TBC1D22A: variants seen among roughly 807,000 people sequenced by gnomAD.
TBC1D22A encodes the protein TBC1 domain family member 22A.
Under a neutral mutation model 60.2 loss-of-function variants are expected in TBC1D22A, and 38 were observed. That is an observed-to-expected ratio of 0.63 (90% CI 0.49 to 0.83). The LOEUF (loss-of-function observed/expected upper bound fraction) is 0.83, where lower values mean the gene tolerates loss of function less well. Among genes scored for constraint, TBC1D22A ranks in the 40% least tolerant of loss-of-function variants. The probability of loss-of-function intolerance (pLI) is 0.00; values close to 1 mark genes in which losing one functional copy is unlikely to be tolerated. For synonymous variants in TBC1D22A, 302 were observed against 281.7 expected (o/e 1.07, Z -0.72); for missense variants, 628 against 701.0 (o/e 0.90, Z 1.18).
chr22:46,938,589 CTTT>C (rs60745746), intron 8 of TBC1D22A, among the ~76,000 whole-genome samples: 1 of 140,560 alleles, frequency 7.1e-6, no homozygotes, highest in Non-Finnish European at 1.5e-5. Context: ...TTATTTCTCT[CTTT>C]TTTTTTTTTT....
chr22:47,131,846 A>C (rs1392832366), intron 12 of TBC1D22A, among the ~76,000 whole-genome samples: 3 of 152,228 alleles, frequency 2.0e-5, no homozygotes, highest in East Asian at 1.9e-4. Flanking sequence ...GTGAGTGCAC[A>C]GTCCCGGGGC....
At chr22:47,143,251 A>T (rs919402620) in intron 12 of TBC1D22A, among the ~76,000 whole-genome samples, 1 of 152,198 alleles carries the variant, frequency 6.6e-6, no homozygotes, top group African/African-American at 2.4e-5. Flanking sequence ...TCAGTGGAGC[A>T]GACTCTGAGG....
At chr22:46,893,087 C>T (rs373672315) in intron 6 of TBC1D22A, among the ~76,000 whole-genome samples, 1 of 152,244 alleles carries the variant, frequency 6.6e-6, no homozygotes, top group East Asian at 1.9e-4. Context: ...CCGTCTGACC[C>T]GCAGTGGGCA....
chr22:46,878,567 A>G (rs2067687374), intron 4 of TBC1D22A, 86 bp from the exon 5 acceptor site: 4 of 1,116,998 alleles, frequency 3.6e-6, no homozygotes, highest in Non-Finnish European at 5.5e-6. Context: ...CCTCCTAATT[A>G]AACAGGTGGA....
At chr22:46,776,547 G>A (rs2083713505) in intron 1 of TBC1D22A, among the ~76,000 whole-genome samples, 1 of 151,982 alleles carries the variant, frequency 6.6e-6, no homozygotes, top group South Asian at 2.1e-4. Flanking sequence ...CTGAGCAGGA[G>A]TGACCTGATC....
At chr22:46,800,470 AG>A (rs2084849582) in intron 4 of TBC1D22A, among the ~76,000 whole-genome samples, 1 of 152,028 alleles carries the variant, frequency 6.6e-6, no homozygotes, top group East Asian at 1.9e-4. Context: ...TCCTGCCTCC[AG>A]GGTGGTGTGG....
intron 11 of TBC1D22A, among the ~76,000 whole-genome samples, chr22:47,110,348 G>A (rs1279792907): frequency 1.3e-5 from 2 of 152,020 alleles, no homozygotes; most frequent in African/African-American, 2.4e-5. Context: ...GTGTGGTGGC[G>A]CACGTCTGTA....
intron 4 of TBC1D22A, among the ~76,000 whole-genome samples, chr22:46,805,535 C>G (rs1004980610): frequency 6.6e-6 from 1 of 152,202 alleles, no homozygotes; most frequent in African/African-American, 2.4e-5. Context: ...CTGTCACCAT[C>G]ATGGGGTGAT....
intron 12 of TBC1D22A, among the ~76,000 whole-genome samples, chr22:47,159,320 C>T (rs1460585217): frequency 1.2e-5 from 1 of 85,304 alleles, no homozygotes; most frequent in East Asian, 3.9e-4. Flanking sequence ...TATACATACA[C>T]ACACATGTAT....
At chr22:47,097,072 C>T (rs865829604) in intron 11 of TBC1D22A, among the ~76,000 whole-genome samples, 2 of 148,884 alleles carry the variant, frequency 1.3e-5, no homozygotes, top group South Asian at 2.1e-4. Context: ...GGCATGGCCA[C>T]GTGGCCTCCA....
chr22:47,043,385 G>A (rs1362316558), intron 11 of TBC1D22A, among the ~76,000 whole-genome samples: 2 of 152,202 alleles, frequency 1.3e-5, no homozygotes, highest in African/African-American at 4.8e-5. Context: ...GGCTGTCCCC[G>A]GGCTTGCTGG....
chr22:46,819,084 G>T (rs564814054), intron 4 of TBC1D22A, among the ~76,000 whole-genome samples: 1 of 152,194 alleles, frequency 6.6e-6, no homozygotes, highest in South Asian at 2.1e-4. Flanking sequence ...CATTGGTTTT[G>T]TATCCTGAGA....
At chr22:46,984,352 A>G (rs1162216448) in intron 9 of TBC1D22A, among the ~76,000 whole-genome samples, 1 of 126,680 alleles carries the variant, frequency 7.9e-6, no homozygotes, top group African/African-American at 3.1e-5. Context: ...GGGCGACAGA[A>G]CCAGACTCCA....
At chr22:47,070,865 T>A (rs904211189) in intron 11 of TBC1D22A, among the ~76,000 whole-genome samples, 1 of 147,024 alleles carries the variant, frequency 6.8e-6, no homozygotes, top group Non-Finnish European at 1.5e-5. Context: ...CCCTGTTGTT[T>A]GGCTGGAGCG....
chr22:47,018,573 G>A (rs2061978861), intron 10 of TBC1D22A, among the ~76,000 whole-genome samples: 1 of 152,172 alleles, frequency 6.6e-6, no homozygotes, highest in African/African-American at 2.4e-5. Context: ...ATTCATGTGA[G>A]TCAGTCACTG....
intron 10 of TBC1D22A, among the ~76,000 whole-genome samples, chr22:47,005,323 A>G (rs1056699062): frequency 1.3e-5 from 2 of 151,256 alleles, no homozygotes; most frequent in South Asian, 4.2e-4. Flanking sequence ...CCCTACACAC[A>G]TGCCTATACA....
intron 9 of TBC1D22A, among the ~76,000 whole-genome samples, chr22:46,996,086 GC>G (rs2075113638): frequency 6.6e-6 from 1 of 152,194 alleles, no homozygotes; most frequent in Non-Finnish European, 1.5e-5. Context: ...GCCCCCTCAG[GC>G]GCACAGGCAG....
At chr22:46,793,429 G>A in intron 2 of TBC1D22A, 72 bp from the exon 3 acceptor site, 1 of 1,466,388 alleles carries the variant, frequency 6.8e-7, no homozygotes, top group Non-Finnish European at 9.4e-7. Flanking sequence ...TTTTCACCTG[G>A]GAATTCTTTC....
At chr22:46,941,480 TACGGAATATATATAC>T (rs1347777701) in intron 8 of TBC1D22A, among the ~76,000 whole-genome samples, 1 of 115,280 alleles carries the variant, frequency 8.7e-6, no homozygotes, top group Non-Finnish European at 1.9e-5. Context: ...GGAATATATA[TACGGAATATATATAC>T]ACGGAATATA....
Sources: allele counts gnomAD v4.1 joint callset (sites outside exome capture counted in the v4.1 genomes callset), GRCh38; gene constraint gnomAD v4.1.1; transcripts MANE v1.5; gene names NCBI Gene and HGNC (gene_info 2026-07-23, HGNC 2026-07-21).